Variants in ADGRB3 observed in about 807,000 individuals in gnomAD.
ADGRB3 encodes adhesion G protein-coupled receptor B3.
A neutral mutation model predicts 193.4 loss-of-function variants in ADGRB3; 37 were observed. The observed-to-expected ratio is 0.19, with a 90% CI of 0.15 to 0.25. ADGRB3 has a LOEUF of 0.25. ADGRB3 is among the 10% of genes least tolerant of loss of function. The pLI, the probability that ADGRB3 is intolerant of heterozygous loss-of-function variation, is 1.00. For synonymous variants in ADGRB3, 690 were observed against 644.2 expected (o/e 1.07, Z -1.08); for missense variants, 1,637 against 1,852.9 (o/e 0.88, Z 2.14).
At chr6:69,038,896 A>T (rs1044672765) in intron 13 of ADGRB3, among the ~76,000 whole-genome samples, 2 of 152,230 alleles carry the variant, frequency 1.3e-5, no homozygotes, top group African/African-American at 4.8e-5. Flanking sequence ...TATCAACTGT[A>T]ATCTGAAAAT....
chr6:68,919,050 G>C (rs1245913502), intron 3 of ADGRB3, among the ~76,000 whole-genome samples: 1 of 150,988 alleles, frequency 6.6e-6, no homozygotes, highest in African/African-American at 2.4e-5. Flanking sequence ...AGACTTCTTA[G>C]CCTCACTCTC....
intron 12 of ADGRB3, among the ~76,000 whole-genome samples, chr6:69,018,128 A>T (rs550668630): frequency 6.6e-6 from 1 of 151,886 alleles, no homozygotes; most frequent in African/African-American, 2.4e-5. Context: ...TTTTTTGAGG[A>T]GACAATCTGT....
At chr6:69,012,806 C>T (rs1186629323) in intron 11 of ADGRB3, among the ~76,000 whole-genome samples, 1 of 152,014 alleles carries the variant, frequency 6.6e-6, no homozygotes, top group South Asian at 2.1e-4. Flanking sequence ...TTTAATAGCA[C>T]CCAGGTGAGC....
intron 3 of ADGRB3, among the ~76,000 whole-genome samples, chr6:68,700,981 A>G (rs1765233780): frequency 6.6e-6 from 1 of 152,180 alleles, no homozygotes; most frequent in Admixed American, 6.6e-5. Flanking sequence ...AAAGAATAAA[A>G]TAATTTAAAA....
chr6:69,332,984 A>G lies in ADGRB3; in HGVS notation c.3164A>G (p.Asp1055Gly). 1 of 1,613,970 alleles carries G rather than the reference A, an allele frequency of 6.2e-7. No individual in the cohort carries two copies. The highest frequency in any genetic ancestry group is 2.2e-5 in the East Asian group (1 of 44,844). The change falls in exon 24 of 32, where the codon GAT becomes GGT. Residue 1055 changes from aspartate to glycine, a missense_variant. Around this residue, in one of 7 missense-constraint regions of ADGRB3, gnomAD observed 56 missense variants for 53.3 expected, o/e 1.05. Coordinates refer to ENST00000370598, the MANE Select transcript of ADGRB3 (RefSeq NM_001704.3). ...CTTGTTTCCAGAGATGGAATCCTAG[A>G]TAAAAAGCTCAAACACAGAGCCGGG... ...NKLVSRDGIL[D>G]KKLKHRAGQM...
chr6:69,114,985 A>C (rs1199465540), intron 17 of ADGRB3, among the ~76,000 whole-genome samples: 2 of 152,180 alleles, frequency 1.3e-5, no homozygotes, highest in Non-Finnish European at 2.9e-5. Flanking sequence ...GAACGCTTTT[A>C]CACTGTTGGT....
intron 3 of ADGRB3, among the ~76,000 whole-genome samples, chr6:68,814,676 A>C (rs1174914488): frequency 1.3e-5 from 2 of 152,126 alleles, no homozygotes; most frequent in East Asian, 3.9e-4. Context: ...TGGCAGAGAC[A>C]CAACAAAACA....
intron 20 of ADGRB3, among the ~76,000 whole-genome samples, chr6:69,276,139 G>A (rs1767299052): frequency 6.6e-6 from 1 of 152,108 alleles, no homozygotes; most frequent in Non-Finnish European, 1.5e-5. Flanking sequence ...GAATTACTTT[G>A]GATTGCAAAG....
At chr6:69,146,688 T>C (rs554289845) in intron 17 of ADGRB3, among the ~76,000 whole-genome samples, 118 of 152,340 alleles carry the variant, frequency 7.7e-4, no homozygotes, top group South Asian at 1.9e-3. Flanking sequence ...ATCATGGCAG[T>C]GGCCACTCTA....
rs374613008 is a variant in ADGRB3, at chr6:69,093,654, G to A, written c.2480+17616G>A. 2.7e-4 allele frequency among the ~76,000 whole-genome samples: 40 copies of A among 150,574 alleles called. No homozygotes were observed. The South Asian group carries it at 8.5e-3, about 32-fold the overall frequency. On this transcript the variant is annotated intron_variant, in intron 17 of 31. Transcript: ENST00000370598. ...TGGGGAGCCCAGGATCTAGGGAGTGGGGTGGGCAGCCTGGGTTCGGGGGGA... is the reference window on the plus strand; with the variant it reads ...TGGGGAGCCCAGGATCTAGGGAGTGAGGTGGGCAGCCTGGGTTCGGGGGGA...
rs116066645 is a variant in ADGRB3, at chr6:68,795,367, T to G, written c.758-135192T>G. 1.3e-3 allele frequency among the ~76,000 whole-genome samples: 205 copies of G among 151,956 alleles called. 2 individuals carry two copies. Among genetic ancestry groups the G allele is most frequent in the African/African-American group, 4.5e-3 (188 of 41,478 alleles). On this transcript the variant is annotated intron_variant, in intron 3 of 31. Transcript: ENST00000370598. ...AACTGTATCTTGAAATAAAAGAAAA[T>G]ATGTATTATAGAAAAGCACAGAAAT...
chr6:68,896,979 A>G (rs957827668), intron 3 of ADGRB3, among the ~76,000 whole-genome samples: 1 of 152,132 alleles, frequency 6.6e-6, no homozygotes, highest in Non-Finnish European at 1.5e-5. Flanking sequence ...CACTCCCAGC[A>G]GCTCCTCTGG....
intron 17 of ADGRB3, among the ~76,000 whole-genome samples, chr6:69,178,705 T>C (rs549957915): frequency 1.3e-5 from 2 of 152,348 alleles, no homozygotes; most frequent in Admixed American, 6.5e-5. Context: ...CCCTTACTTA[T>C]GAAGCTTAGT....
At chr6:69,376,272 G>GT (rs1400348696) in intron 30 of ADGRB3, among the ~76,000 whole-genome samples, 3 of 151,108 alleles carry the variant, frequency 2.0e-5, no homozygotes, top group Admixed American at 6.6e-5. Context: ...ATTTTGTTTT[G>GT]TTTTTTGTAT....
chr6:69,294,066 C>T (rs1472920407), intron 20 of ADGRB3, among the ~76,000 whole-genome samples: 1 of 152,088 alleles, frequency 6.6e-6, no homozygotes, highest in African/African-American at 2.4e-5. Context: ...TCTTCGTCTC[C>T]TCAGCCTTCT....
chr6:68,920,694 G>A (rs1582316015), intron 3 of ADGRB3, among the ~76,000 whole-genome samples: 2 of 151,904 alleles, frequency 1.3e-5, no homozygotes, highest in Non-Finnish European at 2.9e-5. Flanking sequence ...ACGTTCAAGC[G>A]TGTCAGGGTG....
chr6:69,043,360 G>C lies in ADGRB3; in HGVS notation c.2108-4825G>C, dbSNP rs747849487. On this transcript the variant is annotated intron_variant, in intron 13 of 31. Transcript: ENST00000370598. ...AAAGAAAAGAAGATTAAGTAAAAAG[G>C]AACCCTTATGTAACTCCCAGGTGGT... Among the ~76,000 whole-genome samples, 9 of 139,302 alleles carry C rather than the reference G, an allele frequency of 6.5e-5. No homozygotes were observed. The East Asian group carries it at 1.8e-3, about 28-fold the overall frequency. The allele number at this position is 139,302 out of a possible 152,430, so 91.4% of individuals were successfully genotyped here. A position where few individuals can be genotyped will look rare whatever the true frequency, so the allele number is the denominator to read the frequency against.
At chr6:69,233,517 T>G in intron 18 of ADGRB3, 101 bp downstream of exon 18, 1 of 1,419,426 alleles carries the variant, frequency 7.0e-7, no homozygotes, top group Non-Finnish European at 9.2e-7. Flanking sequence ...ATGGAAAATG[T>G]TGCAGGGTAC....
chr6:69,135,944 G>A (rs1229668181), intron 17 of ADGRB3, among the ~76,000 whole-genome samples: 4 of 152,020 alleles, frequency 2.6e-5, no homozygotes, highest in South Asian at 2.1e-4. Flanking sequence ...GGAAATGTAC[G>A]AAGACATAAC....
Sources: allele counts gnomAD v4.1 joint callset (sites outside exome capture counted in the v4.1 genomes callset), GRCh38; gene constraint gnomAD v4.1.1; regional missense constraint gnomAD v4.1.1; transcripts MANE v1.5; gene names NCBI Gene and HGNC (gene_info 2026-07-23, HGNC 2026-07-21).